TMEM135: variants seen among roughly 807,000 people sequenced by gnomAD.
TMEM135 encodes peroxisomal membrane protein 52.
A neutral mutation model predicts 60.3 loss-of-function variants in TMEM135; 30 were observed. The observed-to-expected ratio is 0.50, with a 90% confidence interval of 0.37 to 0.68. The LOEUF is 0.68. Ranked by LOEUF, TMEM135 falls within the 30% of genes least tolerant of loss-of-function variation. The pLI, the probability that TMEM135 is intolerant of heterozygous loss-of-function variation, is 0.00. For missense variants in TMEM135, 468 were observed against 548.8 expected, an observed-to-expected ratio of 0.85 and a Z score of 1.47; for synonymous variants, 190 against 186.7, an observed-to-expected ratio of 1.02 and a Z score of -0.14.
rs1942933305 is a variant in TMEM135, at chr11:87,327,646, C to G, written c.*6313C>G. On this transcript the variant is annotated 3_prime_UTR_variant, in exon 15 of 15. Transcript: ENST00000305494. Reference sequence around the variant, plus strand: ...AACCCCACCACAGGCCATTCATAACCTGGAGACCTTGGGATGCTGGTGGTC... The same window carrying G: ...AACCCCACCACAGGCCATTCATAACGTGGAGACCTTGGGATGCTGGTGGTC... 1 of 453,834 alleles carries G rather than the reference C, an allele frequency of 2.2e-6. No homozygotes were observed. The allele number at this position is 453,834 out of a possible 1,614,324, so 28.1% of individuals were successfully genotyped here.
At chr11:87,056,237 C>T (rs2513233) in intron 1 of TMEM135, among the ~76,000 whole-genome samples, 49,821 of 152,036 alleles carry the variant, frequency 0.33, 9,983 homozygotes, top group East Asian at 0.59. Context: ...TTCCTTTAAC[C>T]GTAAACATCC....
chr11:87,222,499 CA>C (rs748866211), intron 5 of TMEM135, among the ~76,000 whole-genome samples: 21 of 100,052 alleles, frequency 2.1e-4, no homozygotes, highest in Admixed American at 8.4e-4. Context: ...ACTCCGTCTC[CA>C]AAAAAAAAAA....
chr11:87,058,368 C>A (rs1238403032), intron 1 of TMEM135, among the ~76,000 whole-genome samples: 2 of 151,922 alleles, frequency 1.3e-5, no homozygotes, highest in African/African-American at 4.8e-5. Flanking sequence ...CTTGCTCTGT[C>A]ACTCAGGCTG....
At chr11:87,091,310 G>T in intron 3 of TMEM135, 52 bp from the exon 4 acceptor site, 1 of 1,474,468 alleles carries the variant, frequency 6.8e-7, no homozygotes, top group South Asian at 1.2e-5. Flanking sequence ...ATGATAAAGT[G>T]ATTACTAAGT....
chr11:87,301,919 G>A (rs1306536902), intron 7 of TMEM135, among the ~76,000 whole-genome samples: 1 of 152,160 alleles, frequency 6.6e-6, no homozygotes, highest in Non-Finnish European at 1.5e-5. Context: ...AATCCTGACT[G>A]TTTTCTGATT....
At chr11:87,062,363 A>C (rs993761500) in intron 1 of TMEM135, among the ~76,000 whole-genome samples, 21 of 105,660 alleles carry the variant, frequency 2.0e-4, no homozygotes, top group African/African-American at 3.0e-4. Flanking sequence ...GATTTATTTC[A>C]AATTACTTTT....
intron 6 of TMEM135, among the ~76,000 whole-genome samples, chr11:87,257,258 C>G (rs1440354299): frequency 6.6e-6 from 1 of 152,158 alleles, no homozygotes; most frequent in Non-Finnish European, 1.5e-5. Context: ...TTAAATTTAA[C>G]TGTTTGCTTT....
intron 5 of TMEM135, among the ~76,000 whole-genome samples, chr11:87,188,400 G>A (rs896340643): frequency 6.6e-6 from 1 of 151,924 alleles, no homozygotes; most frequent in Non-Finnish European, 1.5e-5. Context: ...CCAGTGGGTA[G>A]CTAAAAAATA....
At chr11:87,138,087 T>TC (rs1938155364) in intron 4 of TMEM135, among the ~76,000 whole-genome samples, 1 of 124,364 alleles carries the variant, frequency 8.0e-6, no homozygotes, top group African/African-American at 2.9e-5. Flanking sequence ...CAAGTTGATT[T>TC]CTTTTTTTTT....
At chr11:87,244,723 T>A (rs1475249814) in intron 6 of TMEM135, among the ~76,000 whole-genome samples, 2 of 143,380 alleles carry the variant, frequency 1.4e-5, no homozygotes, top group East Asian at 3.9e-4. Context: ...TTATTGCATC[T>A]ATTTGATTCT....
intron 1 of TMEM135, among the ~76,000 whole-genome samples, chr11:87,054,210 A>G (rs969600447): frequency 1.3e-5 from 2 of 152,018 alleles, no homozygotes; most frequent in African/African-American, 4.8e-5. Context: ...CAAGGTGGGC[A>G]GATCACCTGA....
At chr11:87,161,368 T>C (rs1186744002) in intron 5 of TMEM135, among the ~76,000 whole-genome samples, 2 of 152,204 alleles carry the variant, frequency 1.3e-5, no homozygotes, top group Non-Finnish European at 2.9e-5. Context: ...GTCTTCTGCC[T>C]TCTGGGTGTT....
At chr11:87,281,921 G>A (rs7128894) in intron 6 of TMEM135, among the ~76,000 whole-genome samples, 55,769 of 152,146 alleles carry the variant, frequency 0.37, 10,894 homozygotes, top group Non-Finnish European at 0.43. Context: ...GACATGTAGC[G>A]TGAGCAGAAA....
chr11:87,061,182 A>G (rs868295266), intron 1 of TMEM135, among the ~76,000 whole-genome samples: 4 of 152,220 alleles, frequency 2.6e-5, no homozygotes, highest in Non-Finnish European at 4.4e-5. Context: ...TCTGGAACTA[A>G]CATATTCAAA....
At chr11:87,076,968 C>T (rs1856886085) in intron 3 of TMEM135, among the ~76,000 whole-genome samples, 1 of 152,198 alleles carries the variant, frequency 6.6e-6, no homozygotes, top group South Asian at 2.1e-4. Flanking sequence ...CTGTCAACTA[C>T]ACTATAGACT....
intron 4 of TMEM135, among the ~76,000 whole-genome samples, chr11:87,108,959 T>C (rs536552061): frequency 6.6e-6 from 1 of 151,988 alleles, no homozygotes. Flanking sequence ...TGGAAGAATG[T>C]CAAAATCATT....
intron 4 of TMEM135, among the ~76,000 whole-genome samples, chr11:87,141,215 T>C (rs1366427155): frequency 6.6e-6 from 1 of 152,170 alleles, no homozygotes; most frequent in Non-Finnish European, 1.5e-5. Flanking sequence ...TCTGTTTATG[T>C]ACATAGCATA....
chr11:87,118,435 T>C (rs1425176108), intron 4 of TMEM135, among the ~76,000 whole-genome samples: 1 of 152,054 alleles, frequency 6.6e-6, no homozygotes, highest in Non-Finnish European at 1.5e-5. Context: ...ATCTTCTGGA[T>C]AACTTCCTGT....
intron 8 of TMEM135, among the ~76,000 whole-genome samples, chr11:87,304,732 C>T (rs1032766213): frequency 1.1e-4 from 16 of 152,166 alleles, no homozygotes; most frequent in South Asian, 2.1e-4. Context: ...AGAGCCAGAA[C>T]ATTGCTCTGC....
Sources: allele counts gnomAD v4.1 joint callset (sites outside exome capture counted in the v4.1 genomes callset), GRCh38; gene constraint gnomAD v4.1.1; transcripts MANE v1.5; gene names NCBI Gene and HGNC (gene_info 2026-07-23, HGNC 2026-07-21).